Variants in CBX1 observed in about 807,000 individuals in gnomAD.
CBX1 encodes the protein chromobox 1.
A neutral mutation model predicts 25.1 loss-of-function variants in CBX1; 10 were observed. The ratio of observed to expected loss-of-function variants is 0.40; its 90% CI spans 0.25 to 0.68. The LOEUF is 0.68. Ranked by LOEUF, CBX1 falls within the 30% of genes least tolerant of loss-of-function variation. The pLI is 0.40. For missense variants in CBX1, 106 were observed against 218.5 expected, an observed-to-expected ratio of 0.49 and a Z score of 3.25; for synonymous variants, 63 against 79.4, an observed-to-expected ratio of 0.79 and a Z score of 1.10.
At chr17:48,089,070 C>A (rs1042910198) in intron 1 of CBX1, among the ~76,000 whole-genome samples, 2 of 150,674 alleles carry the variant, frequency 1.3e-5, no homozygotes, top group African/African-American at 2.4e-5. Flanking sequence ...GTAATTAATT[C>A]ATAGCTCAAT....
At chr17:48,080,031 T>C (rs2037715692) in intron 1 of CBX1, among the ~76,000 whole-genome samples, 1 of 152,180 alleles carries the variant, frequency 6.6e-6, no homozygotes, top group East Asian at 1.9e-4. Flanking sequence ...TATTTAGTCC[T>C]TCATCCAAAT....
chr17:48,092,237 G>T (rs184473680), intron 1 of CBX1, among the ~76,000 whole-genome samples: 7 of 150,508 alleles, frequency 4.7e-5, no homozygotes, highest in Non-Finnish European at 1.0e-4. Flanking sequence ...TAATCTGCCC[G>T]CCTCGCCCTC....
At chr17:48,084,515 T>A (rs1366570369) in intron 1 of CBX1, among the ~76,000 whole-genome samples, 2 of 149,404 alleles carry the variant, frequency 1.3e-5, no homozygotes, top group Non-Finnish European at 2.9e-5. Flanking sequence ...GGCGCCAAGC[T>A]TCTGTTAAAC....
intron 1 of CBX1, among the ~76,000 whole-genome samples, chr17:48,097,923 A>G (rs1193946964): frequency 6.6e-6 from 1 of 152,208 alleles, no homozygotes; most frequent in Non-Finnish European, 1.5e-5. Flanking sequence ...ATTTTTCAAG[A>G]TTCTTTTAAA....
chr17:48,083,926 G>A (rs1355749583), intron 1 of CBX1, among the ~76,000 whole-genome samples: 1 of 150,632 alleles, frequency 6.6e-6, no homozygotes, highest in Admixed American at 6.6e-5. Flanking sequence ...AAGTTTCACT[G>A]AAGTATCTAA....
At chr17:48,082,410 G>A (rs1175189053) in intron 1 of CBX1, among the ~76,000 whole-genome samples, 1 of 144,796 alleles carries the variant, frequency 6.9e-6, no homozygotes, top group African/African-American at 2.5e-5. Flanking sequence ...GCTGAGGCAG[G>A]AGAATGGCGT....
chr17:48,085,428 T>TC (rs1270681114), intron 1 of CBX1, among the ~76,000 whole-genome samples: 4 of 152,090 alleles, frequency 2.6e-5, no homozygotes, highest in Admixed American at 2.6e-4. Flanking sequence ...CAGGGTAACA[T>TC]CCCTCCAGCC....
At chr17:48,100,137 CAAAA>C (rs543123998) in intron 1 of CBX1, among the ~76,000 whole-genome samples, 60 of 56,892 alleles carry the variant, frequency 1.1e-3, no homozygotes, top group African/African-American at 3.4e-3. Context: ...AGACTCTTCT[CAAAA>C]AAAAAAAAAA....
rs1207770500 is a variant in CBX1 at position 48,076,999 on chromosome 17, C to A, written c.6G>T (p.Gly2=). The change falls in exon 2 of 5, where the codon GGG becomes GGT. Residue 2 remains glycine, a synonymous_variant. Coordinates refer to ENST00000225603, the MANE Select transcript of CBX1 (RefSeq NM_001127228.2). Reference sequence around the variant, plus strand: ...CCACTTTCTTCTTGTTTTGTTTTTTCCCCATAGTGCCCGCCAGCTTTCTGG... The same window carrying A: ...CCACTTTCTTCTTGTTTTGTTTTTTACCCATAGTGCCCGCCAGCTTTCTGG... M[G]KKQNKKKVEE... 1 of 1,612,614 alleles carries A rather than the reference C, an allele frequency of 6.2e-7. No individual in the cohort carries two copies. The highest frequency in any genetic ancestry group is 1.7e-5 in the Admixed American group (1 of 59,634).
Position 48,076,086 on chromosome 17 carries a change from T to C in CBX1, c.233A>G (p.Asp78Gly), listed in dbSNP as rs755420416. ...LQSQKTAHET[D>G]KSEGGKRKAD... is the part of the protein sequence containing the mutation. ...TTTGCGCTTGCCTCCCTCTGATTTA[T>C]CTGTCTCATGTGCTGTTTTCTGTGA... The change falls in exon 3 of 5, where the codon GAT becomes GGT. Residue 78 changes from aspartate to glycine, a missense_variant. This residue lies in a region of CBX1 where 71 missense variants were observed against 144.1 expected (regional missense o/e 0.49). Coordinates refer to ENST00000225603, the MANE Select transcript of CBX1 (RefSeq NM_001127228.2). 1.2e-6 allele frequency: 2 copies of C among 1,613,520 alleles called. No individual in the cohort carries two copies. Among genetic ancestry groups the C allele is most frequent in the African/African-American group, 2.7e-5 (2 of 74,936 alleles).
intron 1 of CBX1, among the ~76,000 whole-genome samples, chr17:48,085,932 C>T (rs1422355401): frequency 6.6e-6 from 1 of 152,004 alleles, no homozygotes; most frequent in Non-Finnish European, 1.5e-5. Context: ...AGGCTGGTCA[C>T]GGTGGCATGC....
intron 1 of CBX1, among the ~76,000 whole-genome samples, chr17:48,079,491 T>C (rs2037711251): frequency 6.6e-6 from 1 of 152,204 alleles, no homozygotes. Context: ...TTAGTTTATT[T>C]TACAACTTTT....
chr17:48,084,891 C>T (rs2063303325), intron 1 of CBX1, among the ~76,000 whole-genome samples: 1 of 151,012 alleles, frequency 6.6e-6, no homozygotes, highest in African/African-American at 2.5e-5. Flanking sequence ...GCCTGGGCGA[C>T]AGAGCGAGAC....
intron 4 of CBX1, among the ~76,000 whole-genome samples, chr17:48,072,939 T>C (rs908829534): frequency 6.6e-6 from 1 of 151,954 alleles, no homozygotes; most frequent in African/African-American, 2.4e-5. Flanking sequence ...CTGGTCAACA[T>C]GGCAAAACCG....
At chr17:48,100,935 C>T (rs904874807) in intron 1 of CBX1, 17 of 986,158 alleles carry the variant, frequency 1.7e-5, no homozygotes, top group Non-Finnish European at 2.0e-5. Flanking sequence ...CTGTCCCCTT[C>T]CGCCCTATCC....
intron 1 of CBX1, among the ~76,000 whole-genome samples, chr17:48,097,200 G>A (rs1490584033): frequency 6.6e-6 from 1 of 151,966 alleles, no homozygotes; most frequent in Non-Finnish European, 1.5e-5. Context: ...GTTGCAGTAA[G>A]CTGAGATTGC....
intron 1 of CBX1, among the ~76,000 whole-genome samples, chr17:48,099,611 A>G (rs1226185261): frequency 6.6e-6 from 1 of 152,106 alleles, no homozygotes; most frequent in African/African-American, 2.4e-5. Context: ...CACCGGCATT[A>G]ATTTCCCCAT....
At chr17:48,077,490 G>C (rs1297929832) in intron 1 of CBX1, among the ~76,000 whole-genome samples, 1 of 126,812 alleles carries the variant, frequency 7.9e-6, no homozygotes, top group African/African-American at 3.2e-5. Context: ...ATTTCACTAT[G>C]TGTTGGCCAG....
chr17:48,085,561 TA>T (rs57913052), intron 1 of CBX1, among the ~76,000 whole-genome samples: 72,744 of 149,194 alleles, frequency 0.49, 19,301 homozygotes, highest in East Asian at 0.7. Flanking sequence ...ATGGCTCTGT[TA>T]AAAAAAAAAA....
Sources: allele counts gnomAD v4.1 joint callset (sites outside exome capture counted in the v4.1 genomes callset), GRCh38; gene constraint gnomAD v4.1.1; regional missense constraint gnomAD v4.1.1; transcripts MANE v1.5; gene names NCBI Gene and HGNC (gene_info 2026-07-23, HGNC 2026-07-21).